KLF8: variants seen among roughly 807,000 people sequenced by gnomAD.
KLF8 encodes the protein Krueppel-like factor 8.
Under a neutral mutation model 18.2 loss-of-function variants are expected in KLF8, and 10 were observed. That is an observed-to-expected ratio of 0.55 (90% confidence interval 0.34 to 0.93). The LOEUF (loss-of-function observed/expected upper bound fraction) is 0.93, where lower values mean the gene tolerates loss of function less well. Ranked by LOEUF, KLF8 falls within the 40% of genes least tolerant of loss-of-function variation. The pLI, the probability that KLF8 is intolerant of heterozygous loss-of-function variation, is 0.02. For synonymous variants in KLF8, 109 were observed against 97.3 expected, an observed-to-expected ratio of 1.12 and a Z score of -0.71; for missense variants, 264 against 277.9, an observed-to-expected ratio of 0.95 and a Z score of 0.36.
the KLF8 span, among the ~76,000 whole-genome samples, chrX:55,964,650 T>A: frequency 9.0e-6 from 1 of 111,286 alleles, no homozygotes; most frequent in East Asian, 2.8e-4. Flanking sequence ...ATAAGATTGA[T>A]AGACTGCTAG....
the KLF8 span, among the ~76,000 whole-genome samples, chrX:55,958,761 G>A: frequency 8.9e-6 from 1 of 112,245 alleles, no homozygotes; most frequent in Admixed American, 9.4e-5. Context: ...TTAGAGAGTA[G>A]GAATAGATAA....
chrX:56,065,658 T>G, the KLF8 span, among the ~76,000 whole-genome samples: 1 of 112,052 alleles, frequency 8.9e-6, no homozygotes, highest in Non-Finnish European at 1.9e-5. Context: ...GTATCTAATG[T>G]ACAAATAGCT....
the KLF8 span, among the ~76,000 whole-genome samples, chrX:56,008,358 G>A: frequency 9.1e-6 from 1 of 110,053 alleles, no homozygotes; most frequent in Non-Finnish European, 1.9e-5. Flanking sequence ...TGACGAGGCA[G>A]TTAGCATGAC....
At chrX:56,244,077 G>A (rs2066590322) in intron 1 of KLF8, among the ~76,000 whole-genome samples, 1 of 112,118 alleles carries the variant, frequency 8.9e-6, no homozygotes, top group South Asian at 3.7e-4. Context: ...TTTCATTATA[G>A]CTGCTTTATG....
chrX:56,160,032 A>G, the KLF8 span, among the ~76,000 whole-genome samples: 4 of 111,954 alleles, frequency 3.6e-5, no homozygotes, highest in South Asian at 1.1e-3. Flanking sequence ...ATTTAGTGCT[A>G]TAAATTTCCC....
chrX:56,162,411 C>T, the KLF8 span, among the ~76,000 whole-genome samples: 10 of 112,145 alleles, frequency 8.9e-5, no homozygotes, highest in African/African-American at 2.9e-4. Context: ...CTGCAGTGGG[C>T]TCCACCCAGT....
At chrX:56,133,876 C>G in the KLF8 span, among the ~76,000 whole-genome samples, 5 of 107,986 alleles carry the variant, frequency 4.6e-5, no homozygotes, top group African/African-American at 1.7e-4. Context: ...CAACAGTGAT[C>G]AAGCTGAGAA....
At position 56,284,890 on chromosome X, in the gene KLF8, T is replaced by G. The variant is rs2067251814; in HGVS notation, c.*396T>G. ...TTGTTTTCTAGAACTCTTATCCATATGTTTTTAAAATAAGTACCTAAAAGT... is the reference window on the plus strand; with the variant it reads ...TTGTTTTCTAGAACTCTTATCCATAGGTTTTTAAAATAAGTACCTAAAAGT... On this transcript the variant is annotated 3_prime_UTR_variant, in exon 6 of 6. Transcript: ENST00000468660. 7.8e-6 allele frequency: 1 copy of G among 128,032 alleles called. No homozygotes were observed. The allele number at this position is 128,032 out of a possible 1,213,427, so 10.6% of individuals were successfully genotyped here.
the KLF8 span, among the ~76,000 whole-genome samples, chrX:56,045,740 T>C: frequency 8.9e-6 from 1 of 111,791 alleles, no homozygotes; most frequent in African/African-American, 3.2e-5. Context: ...GCTACTGATT[T>C]GTGTACATTA....
At chrX:56,269,047 C>G in intron 3 of KLF8, 3 of 895,494 alleles carry the variant, frequency 3.4e-6, no homozygotes, top group Non-Finnish European at 4.1e-6. Flanking sequence ...AACTTTTCAG[C>G]TGACCCTGTC....
chrX:55,955,058 G>A, the KLF8 span, among the ~76,000 whole-genome samples: 1 of 111,306 alleles, frequency 9.0e-6, no homozygotes, highest in African/African-American at 3.3e-5. Context: ...TTATAAAATT[G>A]GATTGTGATG....
the KLF8 span, among the ~76,000 whole-genome samples, chrX:56,017,483 C>T: frequency 1.8e-5 from 2 of 112,055 alleles, no homozygotes; most frequent in Admixed American, 9.4e-5. Context: ...AACGGGGAAG[C>T]GCAATGGAGG....
intron 3 of KLF8, chrX:56,268,797 G>A: frequency 1.2e-6 from 1 of 801,989 alleles, no homozygotes; most frequent in Non-Finnish European, 1.5e-6. Context: ...AACATCAGGG[G>A]TTGATAATAA....
the KLF8 span, among the ~76,000 whole-genome samples, chrX:55,924,013 T>C: frequency 3.6e-5 from 4 of 111,191 alleles, no homozygotes; most frequent in African/African-American, 9.8e-5. Flanking sequence ...ATTCAAATAT[T>C]GTCTCTTCAG....
the KLF8 span, among the ~76,000 whole-genome samples, chrX:56,077,888 T>C: frequency 9.1e-6 from 1 of 109,794 alleles, no homozygotes; most frequent in Admixed American, 9.6e-5. Flanking sequence ...CTAGGTATTT[T>C]ATTCTCTTTG....
chrX:56,170,604 G>T, the KLF8 span, among the ~76,000 whole-genome samples: 2 of 109,588 alleles, frequency 1.8e-5, no homozygotes, highest in African/African-American at 6.6e-5. Context: ...TAATTAGTGA[G>T]CATACAGACA....
chrX:56,162,801 A>C, the KLF8 span, among the ~76,000 whole-genome samples: 1 of 111,139 alleles, frequency 9.0e-6, no homozygotes, highest in African/African-American at 3.3e-5. Context: ...GACACTCCTC[A>C]GTGAGATGAA....
the KLF8 span, among the ~76,000 whole-genome samples, chrX:56,022,386 A>G: frequency 9.3e-6 from 1 of 107,900 alleles, no homozygotes; most frequent in Non-Finnish European, 1.9e-5. Context: ...GCCTACTAAA[A>G]TTACAAAAAA....
chrX:56,027,368 T>C, the KLF8 span, among the ~76,000 whole-genome samples: 1 of 111,898 alleles, frequency 8.9e-6, no homozygotes, highest in African/African-American at 3.3e-5. Context: ...CTGCCACCTT[T>C]TGGGGTTTCC....
Sources: allele counts gnomAD v4.1 joint callset (sites outside exome capture counted in the v4.1 genomes callset), GRCh38; gene constraint gnomAD v4.1.1; transcripts MANE v1.5; gene names NCBI Gene and HGNC (gene_info 2026-07-23, HGNC 2026-07-21).